ATE1: variants seen among roughly 807,000 people sequenced by gnomAD.
The protein encoded by ATE1 is arginyltransferase 1.
Under a neutral mutation model 70.5 loss-of-function variants are expected in ATE1, and 36 were observed. The observed-to-expected ratio is 0.51, with a 90% confidence interval of 0.39 to 0.67. The LOEUF is 0.67. Among genes scored for constraint, ATE1 ranks in the 30% least tolerant of loss-of-function variants. ATE1 has a pLI of 0.00. For missense variants in ATE1, 593 were observed against 629.5 expected (o/e 0.94, Z 0.62); for synonymous variants, 232 against 219.3 (o/e 1.06, Z -0.51).
intron 10 of ATE1, among the ~76,000 whole-genome samples, chr10:121,817,623 T>C (rs1482997026): frequency 1.3e-5 from 2 of 152,008 alleles, no homozygotes; most frequent in Admixed American, 6.6e-5. Context: ...GAAGTAGCTA[T>C]AATACAATCC....
At chr10:121,894,093 C>T (rs376804873) in intron 7 of ATE1, among the ~76,000 whole-genome samples, 3 of 147,230 alleles carry the variant, frequency 2.0e-5, no homozygotes, top group South Asian at 2.1e-4. Context: ...GCCAAGATTG[C>T]GCCATCGCAC....
At chr10:121,876,890 C>T (rs868632303) in intron 7 of ATE1, among the ~76,000 whole-genome samples, 20 of 150,610 alleles carry the variant, frequency 1.3e-4, no homozygotes, top group South Asian at 4.2e-4. Flanking sequence ...GGCGGGAACC[C>T]GGGAGGCGGA....
At chr10:121,916,208 CAG>C (rs1951650982) in intron 3 of ATE1, among the ~76,000 whole-genome samples, 1 of 152,068 alleles carries the variant, frequency 6.6e-6, no homozygotes, top group Non-Finnish European at 1.5e-5. Flanking sequence ...GCCTGGGAAA[CAG>C]AGCGAGACTC....
At chr10:121,909,601 C>T (rs942451512) in intron 5 of ATE1, among the ~76,000 whole-genome samples, 11 of 151,848 alleles carry the variant, frequency 7.2e-5, no homozygotes, top group Admixed American at 3.3e-4. Context: ...ACATGGAAGT[C>T]GATTATACTA....
intron 2 of ATE1, 124 bp from the exon 3 acceptor site, chr10:121,922,535 T>G (rs1951923317): frequency 1.6e-6 from 1 of 632,226 alleles, no homozygotes; most frequent in Non-Finnish European, 2.8e-6. Context: ...GCATGTAGGT[T>G]TAATTACTCT....
At chr10:121,904,221 A>T (rs1178763874) in intron 5 of ATE1, among the ~76,000 whole-genome samples, 3 of 151,792 alleles carry the variant, frequency 2.0e-5, no homozygotes, top group Non-Finnish European at 4.4e-5. Context: ...TGACCTCGTG[A>T]TCCACCTGCC....
At chr10:121,809,257 T>C (rs1021437739) in intron 10 of ATE1, among the ~76,000 whole-genome samples, 11 of 152,020 alleles carry the variant, frequency 7.2e-5, no homozygotes, top group African/African-American at 2.4e-4. Context: ...TTTGAGAAAA[T>C]GTCTCTCAAA....
intron 11 of ATE1, among the ~76,000 whole-genome samples, chr10:121,763,136 T>C (rs917013245): frequency 2.0e-5 from 3 of 152,206 alleles, no homozygotes; most frequent in Admixed American, 2.0e-4. Flanking sequence ...TGCAAAAGGA[T>C]GTATACTTAA....
chr10:121,752,476 G>A (rs1210564640), intron 11 of ATE1, among the ~76,000 whole-genome samples: 3 of 151,928 alleles, frequency 2.0e-5, no homozygotes, highest in Non-Finnish European at 4.4e-5. Flanking sequence ...TGATCTGCCT[G>A]CCCTAGCCTC....
chr10:121,815,857 C>G (rs1257562891), intron 10 of ATE1, among the ~76,000 whole-genome samples: 1 of 152,184 alleles, frequency 6.6e-6, no homozygotes, highest in Non-Finnish European at 1.5e-5. Flanking sequence ...TTCCCCCTTG[C>G]TGTTGGGGTA....
intron 7 of ATE1, among the ~76,000 whole-genome samples, chr10:121,887,841 G>T (rs1208702890): frequency 1.3e-5 from 2 of 152,182 alleles, no homozygotes; most frequent in East Asian, 3.9e-4. Context: ...AATACAGAGA[G>T]AAATCTCTTC....
Position 121,792,004 on chromosome 10 carries a change from G to A in ATE1, c.1258-1715C>T, listed in dbSNP as rs113786261. The stretch of plus-strand genomic sequence containing the variant: ...AATGAACACCACGTCCTATTAGCTC[G>A]CAAAGCATTCAGAAGTCTGGAAGCC... On this transcript the variant is annotated intron_variant, in intron 10 of 11. Transcript: ENST00000224652. Among the ~76,000 whole-genome samples the A allele has an allele frequency of 1.5e-4, 23 of 152,284 alleles. 1 individual carries two copies. Among genetic ancestry groups the A allele is most frequent in the African/African-American group, 5.1e-4 (21 of 41,548 alleles).
intron 7 of ATE1, among the ~76,000 whole-genome samples, chr10:121,875,302 TTTTTTG>T: frequency 1.1e-4 from 3 of 28,450 alleles, no homozygotes; most frequent in East Asian, 1.4e-3. Context: ...TTTTTGGTTT[TTTTTTG>T]TTTTTTTTTT....
Position 121,762,897 on chromosome 10 carries a change from C to G in ATE1, c.1379-19039G>C, listed in dbSNP as rs544215084. Among the ~76,000 whole-genome samples, 5 of 152,254 alleles carry G rather than the reference C, an allele frequency of 3.3e-5. No homozygotes were observed. The East Asian group carries it at 9.7e-4, about 29-fold the overall frequency. On this transcript the variant is annotated intron_variant, in intron 11 of 11. Transcript: ENST00000224652. ...AGAAATATTCTGTAGGAACTTAACT[C>G]TTGTTTATATCAATTAAACCTATGA...
intron 7 of ATE1, chr10:121,898,866 G>C (rs1482862869): frequency 6.2e-7 from 1 of 1,613,858 alleles, no homozygotes; most frequent in African/African-American, 1.3e-5. Context: ...TTCATCGGGT[G>C]GATCCTGGTG....
chr10:121,851,307 C>T (rs1320435000), intron 8 of ATE1, among the ~76,000 whole-genome samples: 1 of 151,850 alleles, frequency 6.6e-6, no homozygotes, highest in African/African-American at 2.4e-5. Flanking sequence ...GTACTCCCAG[C>T]TACTCTGGAT....
intron 7 of ATE1, among the ~76,000 whole-genome samples, chr10:121,885,698 C>T (rs1473894050): frequency 6.6e-6 from 1 of 151,854 alleles, no homozygotes; most frequent in South Asian, 2.1e-4. Flanking sequence ...TCCAGAGTTC[C>T]TGACCAGGTT....
intron 10 of ATE1, among the ~76,000 whole-genome samples, chr10:121,803,671 TAA>T (rs1478622201): frequency 6.6e-6 from 1 of 152,208 alleles, no homozygotes; most frequent in Non-Finnish European, 1.5e-5. Context: ...ACGGCTTTAA[TAA>T]AGTCAGTAAG....
Position 121,849,588 on chromosome 10 carries a change from C to A in ATE1, c.976-8325G>T, listed in dbSNP as rs147949557. Reference sequence around the variant, plus strand: ...AGGAAACAATAAGCTATATACCTATCTACTCTGCCTCCCATCACTTCACAG... The same window carrying A: ...AGGAAACAATAAGCTATATACCTATATACTCTGCCTCCCATCACTTCACAG... On this transcript the variant is annotated intron_variant, in intron 8 of 11. Transcript: ENST00000224652. 1.3e-3 allele frequency among the ~76,000 whole-genome samples: 197 copies of A among 152,336 alleles called. No homozygotes were observed. The East Asian group carries it at 0.036, about 28-fold the overall frequency.
Sources: gnomAD v4.1 joint callset for allele counts (sites outside exome capture counted in the v4.1 genomes callset) on GRCh38, gnomAD v4.1.1 for gene constraint, MANE v1.5 for transcripts, NCBI Gene and HGNC (gene_info 2026-07-23, HGNC 2026-07-21) for gene names.